Variants in CHODL observed in about 807,000 individuals in gnomAD.
The protein encoded by CHODL is chondrolectin.
CHODL carries 29 observed loss-of-function variants against 34.5 expected under a neutral mutation model. The observed-to-expected ratio is 0.84, with a 90% confidence interval of 0.63 to 1.15. The LOEUF is 1.15. Among genes scored for constraint, CHODL ranks in the 50% most tolerant of loss-of-function variants. The pLI is 0.00. For synonymous variants in CHODL, 125 were observed against 116.1 expected (o/e 1.08, Z -0.49); for missense variants, 332 against 332.5 (o/e 1.00, Z 0.01).
rs1395007350 is a variant in CHODL at position 18,267,010 on chromosome 21, A to AAAGT, written c.*973_*976dup. 1.3e-5 allele frequency: 2 copies of AAAGT among 151,704 alleles called. No homozygotes were observed. The highest frequency in any genetic ancestry group is 2.9e-5 in the Non-Finnish European group (2 of 68,056). 9.4% of individuals were successfully genotyped at this position (151,704 alleles called of 1,614,324 possible). A position where few individuals can be genotyped will look rare whatever the true frequency, so the allele number is the denominator to read the frequency against. On this transcript the variant is annotated 3_prime_UTR_variant, in exon 6 of 6. Transcript: ENST00000299295. Reference sequence around the variant, plus strand: ...ATTGACACTGGAGGCAGATAGTTGCAAAGTTAGTCTAAGGTTTCCCTAGCT... The same window carrying AAAGT: ...ATTGACACTGGAGGCAGATAGTTGCAAAGTAAGTTAGTCTAAGGTTTCCCTAGCT...
chr21:17,990,628 TA>T (rs2063789778), intron 1 of CHODL, among the ~76,000 whole-genome samples: 1 of 152,130 alleles, frequency 6.6e-6, no homozygotes, highest in Non-Finnish European at 1.5e-5. Flanking sequence ...CTAACAATGT[TA>T]AATGTTCGTG....
intron 2 of CHODL, among the ~76,000 whole-genome samples, chr21:18,171,857 A>G (rs1306508727): frequency 6.6e-6 from 1 of 152,050 alleles, no homozygotes; most frequent in Non-Finnish European, 1.5e-5. Context: ...TAATGATTGA[A>G]TTGGACAGAG....
chr21:18,122,789 A>T (rs1473004523), intron 2 of CHODL, among the ~76,000 whole-genome samples: 1 of 152,260 alleles, frequency 6.6e-6, no homozygotes, highest in Admixed American at 6.5e-5. Flanking sequence ...TTGAACAGTG[A>T]TGTTTCCATT....
At chr21:18,023,920 G>A (rs902719503) in intron 1 of CHODL, among the ~76,000 whole-genome samples, 3 of 152,162 alleles carry the variant, frequency 2.0e-5, no homozygotes, top group Admixed American at 2.0e-4. Flanking sequence ...GATTCTCAAA[G>A]CATGCAAAAC....
intron 1 of CHODL, among the ~76,000 whole-genome samples, chr21:17,982,106 G>C (rs1033924771): frequency 2.0e-5 from 3 of 152,160 alleles, no homozygotes; most frequent in African/African-American, 7.2e-5. Flanking sequence ...ACATCAGAGG[G>C]AGAAAAATCA....
At chr21:18,118,488 C>T (rs982607784) in intron 2 of CHODL, among the ~76,000 whole-genome samples, 4 of 152,098 alleles carry the variant, frequency 2.6e-5, no homozygotes, top group African/African-American at 9.7e-5. Flanking sequence ...TAGCTTTATC[C>T]ATCATTATCA....
At chr21:18,191,984 G>A (rs8133371) in intron 2 of CHODL, among the ~76,000 whole-genome samples, 22 of 152,160 alleles carry the variant, frequency 1.4e-4, no homozygotes, top group African/African-American at 5.1e-4. Flanking sequence ...GCAAATGAAA[G>A]TCTTTAGATG....
At chr21:17,980,900 A>G (rs974561883) in intron 1 of CHODL, among the ~76,000 whole-genome samples, 5 of 152,176 alleles carry the variant, frequency 3.3e-5, no homozygotes, top group African/African-American at 1.2e-4. Flanking sequence ...TCTGGGCTCC[A>G]GTGTAGGCCA....
intron 1 of CHODL, among the ~76,000 whole-genome samples, chr21:18,012,202 C>G (rs2064025628): frequency 6.6e-6 from 1 of 152,198 alleles, no homozygotes. Context: ...GCATTATGAT[C>G]TTCCCAGACA....
At chr21:17,989,998 C>T (rs1453002308) in intron 1 of CHODL, among the ~76,000 whole-genome samples, 23 of 152,066 alleles carry the variant, frequency 1.5e-4, no homozygotes, top group Non-Finnish European at 1.5e-5. Flanking sequence ...TTGTCTCCTA[C>T]AGAGCTGTTT....
intron 2 of CHODL, among the ~76,000 whole-genome samples, chr21:18,141,215 G>T (rs1315851330): frequency 2.0e-5 from 3 of 152,074 alleles, no homozygotes; most frequent in African/African-American, 7.2e-5. Flanking sequence ...GGCAAGTAAA[G>T]GCTAAACTTA....
upstream of CHODL, among the ~76,000 whole-genome samples, chr21:18,244,298 T>G (rs1227107929): frequency 6.6e-6 from 1 of 152,216 alleles, no homozygotes; most frequent in Non-Finnish European, 1.5e-5. Context: ...CTTCAAATAT[T>G]CCTTTCAATT....
intron 1 of CHODL, among the ~76,000 whole-genome samples, chr21:17,991,470 A>AT (rs895934337): frequency 6.6e-6 from 1 of 151,806 alleles, no homozygotes; most frequent in Non-Finnish European, 1.5e-5. Flanking sequence ...AGCATCTATT[A>AT]TTTTTTGTCT....
At chr21:18,109,245 T>C (rs1004603983) in intron 2 of CHODL, among the ~76,000 whole-genome samples, 4 of 152,120 alleles carry the variant, frequency 2.6e-5, no homozygotes, top group Non-Finnish European at 5.9e-5. Flanking sequence ...CCTCAAAAGT[T>C]ATGGTAGAGG....
At chr21:18,086,378 G>A (rs2065007749) in intron 2 of CHODL, among the ~76,000 whole-genome samples, 1 of 151,924 alleles carries the variant, frequency 6.6e-6, no homozygotes, top group Non-Finnish European at 1.5e-5. Context: ...AACGGAATAT[G>A]TTGCTAAATA....
chr21:18,159,684 G>T (rs2073074169), intron 2 of CHODL, among the ~76,000 whole-genome samples: 1 of 152,194 alleles, frequency 6.6e-6, no homozygotes. Flanking sequence ...GGGCTTTGCA[G>T]GTGTGATTGG....
chr21:18,189,387 T>G (rs570770859), intron 2 of CHODL, among the ~76,000 whole-genome samples: 13 of 152,336 alleles, frequency 8.5e-5, no homozygotes, highest in African/African-American at 2.4e-4. Flanking sequence ...TTGTTTGTGC[T>G]CAAATTGCTG....
At chr21:17,969,086 T>C (rs2063594809) in intron 1 of CHODL, among the ~76,000 whole-genome samples, 1 of 152,226 alleles carries the variant, frequency 6.6e-6, no homozygotes, top group Admixed American at 6.5e-5. Context: ...GTTGCTCACC[T>C]GAATTCTTCC....
intron 1 of CHODL, among the ~76,000 whole-genome samples, chr21:17,947,972 T>C (rs2063425667): frequency 6.6e-6 from 1 of 152,118 alleles, no homozygotes; most frequent in South Asian, 2.1e-4. Flanking sequence ...TACTTAGCCA[T>C]AACAAACAAT....
Sources: allele counts gnomAD v4.1 joint callset (sites outside exome capture counted in the v4.1 genomes callset), GRCh38; gene constraint gnomAD v4.1.1; transcripts MANE v1.5; gene names NCBI Gene and HGNC (gene_info 2026-07-23, HGNC 2026-07-21).